The following WWOX variants were observed in gnomAD, a reference collection of about 807,000 sequenced individuals.
The protein encoded by WWOX is WW domain containing oxidoreductase.
A neutral mutation model predicts 46.2 loss-of-function variants in WWOX; 69 were observed. The observed-to-expected ratio is 1.49, with a 90% CI of 1.23 to 1.82. WWOX has a LOEUF of 1.82. Among genes scored for constraint, WWOX ranks in the 40% most tolerant of loss-of-function variants. The pLI is 0.00. For synonymous variants in WWOX, 359 were observed against 202.6 expected, an observed-to-expected ratio of 1.77 and a Z score of -6.56; for missense variants, 919 against 542.6, an observed-to-expected ratio of 1.69 and a Z score of -6.89.
chr16:79,098,870 G>GAT (rs2049132201), intron 8 of WWOX, among the ~76,000 whole-genome samples: 1 of 152,098 alleles, frequency 6.6e-6, no homozygotes, highest in African/African-American at 2.4e-5. Context: ...TTCTACTTCT[G>GAT]ATAGAGTAAA....
chr16:78,286,445 T>C (rs2079769029), intron 5 of WWOX, among the ~76,000 whole-genome samples: 1 of 152,244 alleles, frequency 6.6e-6, no homozygotes, highest in Admixed American at 6.5e-5. Context: ...ATTTAAAGCT[T>C]AATAATACTG....
At chr16:78,931,773 A>AC (rs536007645) in intron 8 of WWOX, among the ~76,000 whole-genome samples, 245 of 152,294 alleles carry the variant, frequency 1.6e-3, no homozygotes, top group Middle Eastern at 6.8e-3. Context: ...AGCAGTACCC[A>AC]CTTGATATGG....
chr16:79,072,519 C>A (rs1211799565), intron 8 of WWOX, among the ~76,000 whole-genome samples: 3 of 152,210 alleles, frequency 2.0e-5, no homozygotes, highest in Admixed American at 6.5e-5. Context: ...CTACACCATT[C>A]ATCTAGATCT....
At chr16:78,402,725 A>C (rs987656341) in intron 6 of WWOX, among the ~76,000 whole-genome samples, 2 of 152,222 alleles carry the variant, frequency 1.3e-5, no homozygotes, top group Non-Finnish European at 2.9e-5. Flanking sequence ...TTAAGAAGTG[A>C]CAGGCTGATT....
At chr16:78,677,273 GC>G (rs1174731152) in intron 8 of WWOX, among the ~76,000 whole-genome samples, 7 of 152,076 alleles carry the variant, frequency 4.6e-5, no homozygotes, top group Non-Finnish European at 8.8e-5. Flanking sequence ...CAGGATTCTT[GC>G]AAATGTTTTT....
intron 8 of WWOX, among the ~76,000 whole-genome samples, chr16:78,744,119 G>C (rs993582059): frequency 1.3e-5 from 2 of 152,254 alleles, no homozygotes; most frequent in African/African-American, 2.4e-5. Flanking sequence ...CCACAGCAGC[G>C]TGTGCTCTGA....
intron 8 of WWOX, among the ~76,000 whole-genome samples, chr16:78,864,162 C>G (rs928209473): frequency 6.6e-6 from 1 of 152,034 alleles, no homozygotes; most frequent in Non-Finnish European, 1.5e-5. Flanking sequence ...AGTGGAATTA[C>G]GGGGTCATAC....
At chr16:78,485,409 T>C (rs1480588355) in intron 8 of WWOX, among the ~76,000 whole-genome samples, 3 of 152,124 alleles carry the variant, frequency 2.0e-5, no homozygotes, top group African/African-American at 7.2e-5. Flanking sequence ...AGGTTGAAGA[T>C]ATTTCAGACT....
chr16:78,976,979 G>A (rs1444037893), intron 8 of WWOX, among the ~76,000 whole-genome samples: 1 of 152,118 alleles, frequency 6.6e-6, no homozygotes, highest in Non-Finnish European at 1.5e-5. Context: ...TTCGTTTTAT[G>A]TTTTTGAATC....
intron 8 of WWOX, among the ~76,000 whole-genome samples, chr16:78,821,375 C>T (rs1326568178): frequency 6.6e-6 from 1 of 152,140 alleles, no homozygotes; most frequent in African/African-American, 2.4e-5. Flanking sequence ...TGTATGTGGC[C>T]TCTGGTTTAT....
chr16:78,153,367 C>A (rs1347232920), intron 4 of WWOX, among the ~76,000 whole-genome samples: 1 of 152,140 alleles, frequency 6.6e-6, no homozygotes, highest in Non-Finnish European at 1.5e-5. Context: ...AAAGTATGGT[C>A]TTCCTACTTT....
At chr16:79,129,061 C>G (rs143051937) in intron 8 of WWOX, among the ~76,000 whole-genome samples, 7 of 152,282 alleles carry the variant, frequency 4.6e-5, no homozygotes, top group African/African-American at 1.7e-4. Context: ...TCTGTTTCTT[C>G]TTTTATGCTG....
intron 8 of WWOX, among the ~76,000 whole-genome samples, chr16:79,162,170 C>T (rs1176084824): frequency 2.6e-5 from 4 of 152,140 alleles, no homozygotes; most frequent in Non-Finnish European, 5.9e-5. Context: ...GTTTTCTTGG[C>T]CCAAGAGATA....
chr16:78,900,013 T>G lies in WWOX; in HGVS notation c.1057-311595T>G, dbSNP rs1409715528. Among the ~76,000 whole-genome samples the G allele has an allele frequency of 2.6e-5, 4 of 151,794 alleles. No homozygotes were observed. The East Asian group carries it at 7.8e-4, about 29-fold the overall frequency. The stretch of plus-strand genomic sequence containing the variant: ...AGGACTTTAAGCTTATATTCCCTCC[T>G]TGGGCTACCAAAACGGAGATGTGCA... On this transcript the variant is annotated intron_variant, in intron 8 of 8. Transcript: ENST00000566780.
intron 8 of WWOX, among the ~76,000 whole-genome samples, chr16:78,473,936 C>G (rs141319806): frequency 2.5e-3 from 378 of 152,270 alleles, no homozygotes; most frequent in Middle Eastern, 6.8e-3. Flanking sequence ...GCCTCCCTTT[C>G]CCTGTTAATT....
At chr16:78,622,990 C>A (rs978303232) in intron 8 of WWOX, among the ~76,000 whole-genome samples, 9 of 151,974 alleles carry the variant, frequency 5.9e-5, no homozygotes, top group African/African-American at 2.2e-4. Flanking sequence ...CCTAAGGAAG[C>A]CAGCAAGAAA....
intron 5 of WWOX, among the ~76,000 whole-genome samples, chr16:78,222,076 C>G (rs1431671149): frequency 6.6e-6 from 1 of 152,166 alleles, no homozygotes; most frequent in Non-Finnish European, 1.5e-5. Flanking sequence ...TCAGATGCCC[C>G]TCCATTTGCA....
At chr16:78,257,279 A>C (rs1029517707) in intron 5 of WWOX, among the ~76,000 whole-genome samples, 2 of 152,186 alleles carry the variant, frequency 1.3e-5, no homozygotes, top group African/African-American at 4.8e-5. Flanking sequence ...TAAGGCCATG[A>C]GATTGCATGA....
chr16:79,166,179 A>G (rs1191381205), intron 8 of WWOX, among the ~76,000 whole-genome samples: 3 of 152,112 alleles, frequency 2.0e-5, no homozygotes, highest in Non-Finnish European at 4.4e-5. Context: ...TTTTAGGAAA[A>G]CATGAAATTA....
Sources: allele counts gnomAD v4.1 joint callset (sites outside exome capture counted in the v4.1 genomes callset), GRCh38; gene constraint gnomAD v4.1.1; transcripts MANE v1.5; gene names NCBI Gene and HGNC (gene_info 2026-07-23, HGNC 2026-07-21).